Variants in NSMAF observed in about 807,000 individuals in gnomAD.
NSMAF encodes protein FAN.
Under a neutral mutation model 134.9 loss-of-function variants are expected in NSMAF, and 90 were observed. The ratio of observed to expected loss-of-function variants is 0.67; its 90% CI spans 0.56 to 0.79. NSMAF has a LOEUF of 0.79. Among genes scored for constraint, NSMAF ranks in the 30% least tolerant of loss-of-function variants. The pLI, the probability that NSMAF is intolerant of heterozygous loss-of-function variation, is 0.00. For missense variants in NSMAF, 1,010 were observed against 1,119.0 expected (o/e 0.90, Z 1.39); for synonymous variants, 358 against 389.6 (o/e 0.92, Z 0.96).
chr8:58,595,181 T>TC (rs1250916223), intron 22 of NSMAF, among the ~76,000 whole-genome samples: 1 of 152,222 alleles, frequency 6.6e-6, no homozygotes, highest in Non-Finnish European at 1.5e-5. Flanking sequence ...AGGTGCCTTT[T>TC]CACCTACATT....
intron 23 of NSMAF, among the ~76,000 whole-genome samples, chr8:58,592,081 C>T (rs1806033988): frequency 6.6e-6 from 1 of 152,134 alleles, no homozygotes; most frequent in Non-Finnish European, 1.5e-5. Flanking sequence ...GAACTTTCCC[C>T]TGAGCAGTAT....
intron 9 of NSMAF, among the ~76,000 whole-genome samples, chr8:58,622,560 A>G (rs1806812451): frequency 6.6e-6 from 1 of 151,872 alleles, no homozygotes; most frequent in South Asian, 2.1e-4. Flanking sequence ...TGCCTGGGTA[A>G]TTTTTTATAT....
At chr8:58,585,204 TC>T (rs1454847010) in intron 30 of NSMAF, among the ~76,000 whole-genome samples, 1 of 152,106 alleles carries the variant, frequency 6.6e-6, no homozygotes, top group African/African-American at 2.4e-5. Context: ...ATATACCCTC[TC>T]TTATTCACAG....
chr8:58,612,286 C>T (rs773520443), intron 9 of NSMAF, among the ~76,000 whole-genome samples: 9 of 152,076 alleles, frequency 5.9e-5, no homozygotes, highest in Non-Finnish European at 8.8e-5. Context: ...GCCTATGTGA[C>T]GAAACCTCCA....
intron 1 of NSMAF, chr8:58,659,344 C>G: frequency 6.5e-7 from 1 of 1,526,944 alleles, no homozygotes; most frequent in Non-Finnish European, 8.8e-7. Context: ...CCTGGCCCGT[C>G]ATCCAGTTCC....
chr8:58,658,067 G>C (rs1807761044), intron 1 of NSMAF, among the ~76,000 whole-genome samples: 1 of 152,152 alleles, frequency 6.6e-6, no homozygotes, highest in Non-Finnish European at 1.5e-5. Context: ...AGGCCAATAT[G>C]AGTATTGGCA....
chr8:58,639,479 A>G (rs963963853), intron 2 of NSMAF, among the ~76,000 whole-genome samples: 3 of 152,224 alleles, frequency 2.0e-5, no homozygotes, highest in Non-Finnish European at 4.4e-5. Context: ...GCGTGGAGAA[A>G]AGAGAACCCT....
chr8:58,592,527 T>C (rs1192989146), intron 23 of NSMAF, among the ~76,000 whole-genome samples: 1 of 151,392 alleles, frequency 6.6e-6, no homozygotes, highest in Non-Finnish European at 1.5e-5. Flanking sequence ...AAATCAGTAA[T>C]ATGAATTATG....
At chr8:58,646,912 T>C (rs1807468973) in intron 1 of NSMAF, among the ~76,000 whole-genome samples, 1 of 152,236 alleles carries the variant, frequency 6.6e-6, no homozygotes, top group Non-Finnish European at 1.5e-5. Flanking sequence ...GTTTCCTCAT[T>C]GAGCAACTCA....
At chr8:58,627,274 A>T (rs1044530365) in intron 6 of NSMAF, among the ~76,000 whole-genome samples, 1 of 152,160 alleles carries the variant, frequency 6.6e-6, no homozygotes, top group Admixed American at 6.5e-5. Flanking sequence ...TTAGTCATGA[A>T]TTCTTTGCCT....
At chr8:58,631,942 A>T (rs926925456) in intron 5 of NSMAF, among the ~76,000 whole-genome samples, 1 of 152,190 alleles carries the variant, frequency 6.6e-6, no homozygotes, top group Non-Finnish European at 1.5e-5. Context: ...GAAAACTTAG[A>T]GGTCATCTGG....
At position 58,603,405 on chromosome 8, in the gene NSMAF, C is replaced by T. The variant is rs756091541; in HGVS notation, c.869-19G>A. The T allele has an allele frequency of 2.0e-5, 32 of 1,611,154 alleles. No individual in the cohort carries two copies. In the East Asian group the frequency reaches 5.3e-4, roughly 27 times the overall value. ...TGGTGCTCTGGGGGAAGAGGACCCACGAGGTCTGCCACTTAACTTCGCAAA... is the reference window on the plus strand; with the variant it reads ...TGGTGCTCTGGGGGAAGAGGACCCATGAGGTCTGCCACTTAACTTCGCAAA... On this transcript the variant is annotated intron_variant, in intron 12 of 30. Transcript: ENST00000038176.
Position 58,602,096 on chromosome 8 carries a change from C to T in NSMAF, c.1087G>A (p.Val363Ile), listed in dbSNP as rs779646095. 24 of 1,613,530 alleles carry T rather than the reference C, an allele frequency of 1.5e-5. No individual in the cohort carries two copies. The highest frequency in any genetic ancestry group is 1.4e-5 in the Non-Finnish European group (17 of 1,179,660). The change falls in exon 14 of 31, where the codon GTA becomes ATA. Residue 363 changes from valine to isoleucine, a missense_variant. By Grantham distance (29) the Val-to-Ile change is conservative (BLOSUM62 3). Coordinates refer to ENST00000038176, the MANE Select transcript of NSMAF (RefSeq NM_003580.4). Reference protein sequence around the residue: ...PGTFRDLSKPVGALNKERLER... With the variant: ...PGTFRDLSKPIGALNKERLER... Reference sequence around the variant, plus strand: ...AGCCGTTCCTTATTTAGGGCCCCTACTGGCTTACTGAGATCCCGGAAGGTT... The same window carrying T: ...AGCCGTTCCTTATTTAGGGCCCCTATTGGCTTACTGAGATCCCGGAAGGTT...
chr8:58,616,876 G>A (rs79546377), intron 9 of NSMAF, among the ~76,000 whole-genome samples: 5,160 of 152,204 alleles, frequency 0.034, 96 homozygotes, highest in Non-Finnish European at 0.044. Context: ...GAATTTAGAA[G>A]AGTCATAGTA....
chr8:58,629,352 C>T (rs753760622), intron 6 of NSMAF, among the ~76,000 whole-genome samples: 1 of 152,260 alleles, frequency 6.6e-6, no homozygotes, highest in East Asian at 1.9e-4. Flanking sequence ...TAAGTTACTA[C>T]ATTCTTCTCC....
chr8:58,590,167 G>A, intron 24 of NSMAF, 93 bp from the exon 25 acceptor site: 1 of 1,070,190 alleles, frequency 9.3e-7, no homozygotes, highest in Non-Finnish European at 1.4e-6. Context: ...AAAAATTAAT[G>A]CTCAAATCGT....
At position 58,595,207 on chromosome 8, in the gene NSMAF, A is replaced by C. The variant is rs867681918; in HGVS notation, c.1892+353T>G. On this transcript the variant is annotated intron_variant, in intron 22 of 30. Transcript: ENST00000038176. ...CACCTACATTATGTGTAAATCCAAC[A>C]CTCGTGGGGTATACATCACACTTCT... Among the ~76,000 whole-genome samples the C allele has an allele frequency of 4.6e-5, 7 of 152,184 alleles. No homozygotes were observed. In the Middle Eastern group the frequency reaches 0.01, roughly 223 times the overall value.
At position 58,585,724 on chromosome 8, in the gene NSMAF, T is replaced by G. The variant is rs1035859520; in HGVS notation, c.2587A>C (p.Ser863Arg). 1 of 1,614,062 alleles carries G rather than the reference T, an allele frequency of 6.2e-7. No individual in the cohort carries two copies. Among genetic ancestry groups the G allele is most frequent in the Non-Finnish European group, 8.5e-7 (1 of 1,180,018 alleles). Residue 863 changes from serine to arginine, a missense_variant, in exon 30 of 31, where the codon AGT becomes CGT. Transcript: ENST00000038176. ...VWDGNSVLSG[S>R]QSGELLVWDL... Reference sequence around the variant, plus strand: ...CAAACGAGCAGTTCACCAGACTGACTGCCAGATAAAACGGAATTTCCATCC... The same window carrying G: ...CAAACGAGCAGTTCACCAGACTGACGGCCAGATAAAACGGAATTTCCATCC...
chr8:58,596,677 C>T (rs543751163), intron 21 of NSMAF, among the ~76,000 whole-genome samples: 2 of 152,126 alleles, frequency 1.3e-5, no homozygotes, highest in Non-Finnish European at 2.9e-5. Flanking sequence ...GGCCTGTAAT[C>T]CCAGCACTTT....
Sources: gnomAD v4.1 joint callset for allele counts (sites outside exome capture counted in the v4.1 genomes callset) on GRCh38, gnomAD v4.1.1 for gene constraint, MANE v1.5 for transcripts, NCBI Gene and HGNC (gene_info 2026-07-23, HGNC 2026-07-21) for gene names.